The following MARK3 variants were observed in gnomAD, a reference collection of about 807,000 sequenced individuals.
MARK3 encodes the protein MAP/microtubule affinity-regulating kinase 3.
MARK3 carries 46 observed loss-of-function variants against 90.1 expected under a neutral mutation model. The ratio of observed to expected loss-of-function variants is 0.51; its 90% CI spans 0.40 to 0.65. MARK3 has a LOEUF of 0.65. Ranked by LOEUF, MARK3 falls within the 30% of genes least tolerant of loss-of-function variation. MARK3 has a pLI of 0.00. For missense variants in MARK3, 818 were observed against 947.2 expected (o/e 0.86, Z 1.79); for synonymous variants, 321 against 332.6 (o/e 0.97, Z 0.38).
chr14:103,429,511 TTTTG>T (rs1400506827), intron 3 of MARK3: 11 of 152,214 alleles, frequency 7.2e-5, no homozygotes, highest in African/African-American at 2.7e-4. Flanking sequence ...ATCCTGGTAA[TTTTG>T]AAGCCCTGTC....
chr14:103,430,122 A>G (rs988488949), intron 3 of MARK3, among the ~76,000 whole-genome samples: 1 of 152,132 alleles, frequency 6.6e-6, no homozygotes, highest in African/African-American at 2.4e-5. Context: ...ATTAATTTTG[A>G]CTTATAATAA....
chr14:103,490,720 CTATTT>C (rs1306521464), intron 14 of MARK3: 2 of 169,432 alleles, frequency 1.2e-5, no homozygotes, highest in Admixed American at 6.3e-5. Flanking sequence ...ATGTAATCTG[CTATTT>C]TATTTTAAGG....
chr14:103,464,004 C>T (rs1012906580), intron 7 of MARK3, among the ~76,000 whole-genome samples: 4 of 152,206 alleles, frequency 2.6e-5, no homozygotes, highest in African/African-American at 7.2e-5. Context: ...CCCTCATCAA[C>T]ACATCCATTA....
intron 6 of MARK3, among the ~76,000 whole-genome samples, chr14:103,460,962 A>T (rs1005859963): frequency 6.6e-6 from 1 of 152,114 alleles, no homozygotes; most frequent in African/African-American, 2.4e-5. Flanking sequence ...TGATATTCTG[A>T]ATGTTAATTT....
At chr14:103,429,728 A>C (rs1052396991) in intron 3 of MARK3, among the ~76,000 whole-genome samples, 2 of 152,208 alleles carry the variant, frequency 1.3e-5, no homozygotes, top group African/African-American at 2.4e-5. Context: ...ATCTTCAGCT[A>C]TCTAAGGATT....
intron 5 of MARK3, 152 bp downstream of exon 5, chr14:103,452,135 G>A (rs558450239): frequency 3.6e-6 from 2 of 555,378 alleles, no homozygotes; most frequent in East Asian, 3.0e-5. Context: ...CTGACTCTTA[G>A]CACTTCTAGG....
chr14:103,479,628 C>CTTTTTTTTTTTTTTTTTTTTTT (rs34768749), intron 13 of MARK3, among the ~76,000 whole-genome samples: 2 of 78,238 alleles, frequency 2.6e-5, no homozygotes, highest in Non-Finnish European at 4.4e-5. Context: ...ATACGTATAG[C>CTTTTTTTTTTTTTTTTTTTTTT]TTTTTTTTTT....
intron 1 of MARK3, among the ~76,000 whole-genome samples, chr14:103,392,883 C>T (rs979150636): frequency 2.6e-5 from 4 of 151,624 alleles, no homozygotes; most frequent in East Asian, 1.9e-4. Context: ...CGATCTCGCT[C>T]GCTGCAACCT....
rs111478248 is a variant in MARK3 at position 103,489,708 on chromosome 14, T to C, written c.1587-2069T>C. The C allele has an allele frequency of 1.3e-3, 204 of 152,320 alleles. 1 individual carries two copies. The highest frequency in any genetic ancestry group is 4.7e-3 in the African/African-American group (195 of 41,556). 9.4% of individuals were successfully genotyped at this position (152,320 alleles called of 1,614,324 possible). ...GGTTTTAATCCTTCCAAAGGATTTC[T>C]GCAGAAAGACACTGGAAGAGCTGTA... On this transcript the variant is annotated intron_variant, in intron 14 of 17. Coordinates refer to ENST00000429436, the MANE Select transcript of MARK3 (RefSeq NM_001128918.3).
chr14:103,478,100 G>A (rs536578849), intron 13 of MARK3, among the ~76,000 whole-genome samples: 1 of 151,818 alleles, frequency 6.6e-6, no homozygotes, highest in Admixed American at 6.6e-5. Context: ...TTCAAGACCA[G>A]CCTGGCCATC....
At chr14:103,412,561 C>G (rs989773678) in intron 2 of MARK3, 1 of 635,588 alleles carries the variant, frequency 1.6e-6, no homozygotes, top group South Asian at 1.6e-5. Flanking sequence ...TGCTGCTGTT[C>G]CCCCAGGACC....
chr14:103,446,935 GC>G (rs2093012076), intron 3 of MARK3, among the ~76,000 whole-genome samples: 2 of 152,014 alleles, frequency 1.3e-5, no homozygotes, highest in Admixed American at 6.6e-5. Flanking sequence ...AAGAACTCAG[GC>G]CTGAATGGTT....
At chr14:103,465,507 TA>T in intron 7 of MARK3, 49 bp from the exon 8 acceptor site, 1 of 1,301,246 alleles carries the variant, frequency 7.7e-7, no homozygotes, top group Non-Finnish European at 1.1e-6. Context: ...GTCATAATTC[TA>T]ATTCTATTTT....
At position 103,490,847 on chromosome 14, in the gene MARK3, G is replaced by A. The variant is rs1002284382; in HGVS notation, c.1587-930G>A. On this transcript the variant is annotated intron_variant, in intron 14 of 17. Coordinates refer to ENST00000429436, the MANE Select transcript of MARK3 (RefSeq NM_001128918.3). ...GAGATTTTTATTCTTTACCAGAAAT[G>A]AGATGGCTTGGGAGGAAGGTGTGTG... The A allele has an allele frequency of 1.7e-5, 10 of 589,430 alleles. No homozygotes were observed. The African/African-American group carries it at 1.8e-4, about 11-fold the overall frequency. The allele number at this position is 589,430 out of a possible 1,614,324, so 36.5% of individuals were successfully genotyped here. A position where few individuals can be genotyped will look rare whatever the true frequency, so the allele number is the denominator to read the frequency against.
Position 103,448,946 on chromosome 14 carries a change from A to G in MARK3, c.325A>G (p.Ile109Val). ...CTTCAGAGAAGTAAGAATAATGAAG[A>G]TTTTAAATCATCCCAATATAGGTAC... ...KLFREVRIMKILNHPNIVKLF... is the reference protein window; with the variant it reads ...KLFREVRIMKVLNHPNIVKLF... Residue 109 changes from isoleucine (I) to valine (V), a missense_variant, in exon 4 of 18, where the codon ATT becomes GTT. Ile to Val is a conservative substitution (Grantham distance 29, BLOSUM62 3). Around this residue, in one of 3 missense-constraint regions of MARK3, gnomAD observed 157 missense variants for 158.7 expected, o/e 0.99. Coordinates refer to ENST00000429436, the MANE Select transcript of MARK3 (RefSeq NM_001128918.3). The G allele has an allele frequency of 6.4e-7, 1 of 1,569,586 alleles. No individual in the cohort carries two copies. The highest frequency in any genetic ancestry group is 8.7e-7 in the Non-Finnish European group (1 of 1,154,336).
intron 3 of MARK3, among the ~76,000 whole-genome samples, chr14:103,440,935 T>TAAAAAA (rs35047818): frequency 5.3e-5 from 7 of 130,844 alleles, no homozygotes; most frequent in East Asian, 2.2e-4. Context: ...GAGCCCCTCT[T>TAAAAAA]AAAAAAAAAA....
rs143848353 is a variant in MARK3, at chr14:103,426,822, G to A, written c.244-1565G>A. ...CTGTTGCCGCTCTGTATATTCACTTGGTTAGCCCACAGATTGGTTTGGACC... is the reference window on the plus strand; with the variant it reads ...CTGTTGCCGCTCTGTATATTCACTTAGTTAGCCCACAGATTGGTTTGGACC... On this transcript the variant is annotated intron_variant, in intron 2 of 17. Transcript: ENST00000429436. 2.7e-3 allele frequency among the ~76,000 whole-genome samples: 412 copies of A among 151,776 alleles called. 2 individuals are homozygous for A. The highest frequency in any genetic ancestry group is 9.5e-3 in the African/African-American group (394 of 41,328).
At chr14:103,468,298 GCTTT>G (rs1369749788) in intron 12 of MARK3, 112 bp downstream of exon 12, 2 of 441,572 alleles carry the variant, frequency 4.5e-6, no homozygotes, top group East Asian at 8.5e-5. Flanking sequence ...TCTTGGCATT[GCTTT>G]CTTTCTTTCT....
intron 14 of MARK3, among the ~76,000 whole-genome samples, chr14:103,481,593 G>A (rs951854681): frequency 3.3e-5 from 5 of 151,378 alleles, no homozygotes; most frequent in Non-Finnish European, 7.4e-5. Context: ...GTTATTATTC[G>A]TTGAATTTTT....
Sources: gnomAD v4.1 joint callset for allele counts (sites outside exome capture counted in the v4.1 genomes callset) on GRCh38, gnomAD v4.1.1 for gene constraint, gnomAD v4.1.1 regional missense constraint, MANE v1.5 for transcripts, NCBI Gene and HGNC (gene_info 2026-07-23, HGNC 2026-07-21) for gene names.